The following SAMSN1 variants were observed in gnomAD, a reference collection of about 807,000 sequenced individuals.
The protein encoded by SAMSN1 is SAM domain-containing protein SAMSN-1.
SAMSN1 carries 31 observed loss-of-function variants against 42.0 expected under a neutral mutation model. The observed-to-expected ratio is 0.74, with a 90% confidence interval of 0.55 to 1.00. SAMSN1 has a LOEUF of 1.00. Ranked by LOEUF, SAMSN1 falls within the 50% of genes least tolerant of loss-of-function variation. The pLI is 0.00. For synonymous variants in SAMSN1, 178 were observed against 151.9 expected, an observed-to-expected ratio of 1.17 and a Z score of -1.26; for missense variants, 464 against 439.4, an observed-to-expected ratio of 1.06 and a Z score of -0.50.
intron 1 of SAMSN1, among the ~76,000 whole-genome samples, chr21:14,533,615 A>G (rs372538673): frequency 2.4e-4 from 36 of 152,348 alleles, no homozygotes; most frequent in African/African-American, 8.4e-4. Flanking sequence ...TTGCAGAAAT[A>G]TACAACTTCA....
At chr21:14,585,158 A>T (rs1981880453), upstream of SAMSN1, among the ~76,000 whole-genome samples, 1 of 152,174 alleles carries the variant, frequency 6.6e-6, no homozygotes, top group South Asian at 2.1e-4. Flanking sequence ...TCTGCTCAAC[A>T]CAATTTCTAT....
At chr21:14,642,277 A>G (rs796798529) in intron 2 of SAMSN1, among the ~76,000 whole-genome samples, 10 of 152,348 alleles carry the variant, frequency 6.6e-5, no homozygotes, top group African/African-American at 2.2e-4. Flanking sequence ...AGGGACAGGT[A>G]CAATTTTGTA....
At chr21:14,647,555 A>G (rs1488981352) in intron 1 of SAMSN1, among the ~76,000 whole-genome samples, 2 of 147,162 alleles carry the variant, frequency 1.4e-5, no homozygotes, top group African/African-American at 5.0e-5. Context: ...GGATGGCATT[A>G]AATCTGTAAA....
In SAMSN1 at chr21:14,521,224, A is replaced by T. The variant is rs150644782; in HGVS notation, c.58-3T>A. On this transcript the variant is annotated splice_polypyrimidine_tract_variant and splice_region_variant and intron_variant, in intron 1 of 7. Coordinates refer to ENST00000400566, the MANE Select transcript of SAMSN1 (RefSeq NM_022136.5). ...AAATTCCCAAAACTGCTGCTTCGCT[A>T]TAAAATAGAAAAGAAAAAGCAAAGG... is the stretch of plus-strand genomic sequence containing the variant. The T allele has an allele frequency of 3.1e-4, 498 of 1,605,600 alleles. 1 individual carries two copies. The African/African-American group carries it at 6.2e-3, about 20-fold the overall frequency.
chr21:14,631,384 C>T (rs1233798896), intron 2 of SAMSN1, among the ~76,000 whole-genome samples: 1 of 152,170 alleles, frequency 6.6e-6, no homozygotes, highest in African/African-American at 2.4e-5. Context: ...GTTTAAAGAA[C>T]TTGTCCAAGG....
chr21:14,571,639 G>A (rs985272746), intron 2 of SAMSN1, among the ~76,000 whole-genome samples: 18 of 152,130 alleles, frequency 1.2e-4, no homozygotes, highest in Admixed American at 4.6e-4. Flanking sequence ...ATCATGAAAT[G>A]CATATGTGAT....
chr21:14,629,778 A>G (rs1453050353), intron 2 of SAMSN1, among the ~76,000 whole-genome samples: 1 of 152,188 alleles, frequency 6.6e-6, no homozygotes, highest in Non-Finnish European at 1.5e-5. Flanking sequence ...CTAAAGCAAC[A>G]AACTCTTCTC....
At chr21:14,616,140 C>A (rs896111889) in intron 2 of SAMSN1, 21 of 348,182 alleles carry the variant, frequency 6.0e-5, no homozygotes, top group Non-Finnish European at 1.0e-4. Context: ...TTCCTTTTGT[C>A]TTTTCCCTAG....
upstream of SAMSN1, among the ~76,000 whole-genome samples, chr21:14,588,146 T>C (rs1300409308): frequency 2.9e-5 from 4 of 136,368 alleles, no homozygotes; most frequent in African/African-American, 8.3e-5. Context: ...CAGTCTATCA[T>C]TGTTGGACAT....
chr21:14,657,330 A>T (rs1295531353), intron 1 of SAMSN1, among the ~76,000 whole-genome samples: 1 of 151,798 alleles, frequency 6.6e-6, no homozygotes, highest in African/African-American at 2.4e-5. Context: ...CTTCTTAAGG[A>T]CAACTTTAAC....
At chr21:14,539,306 G>A (rs1979844640) in intron 1 of SAMSN1, among the ~76,000 whole-genome samples, 1 of 152,164 alleles carries the variant, frequency 6.6e-6, no homozygotes, top group Admixed American at 6.5e-5. Flanking sequence ...AATCAGGCAG[G>A]AGAAAGAAAT....
intron 2 of SAMSN1, among the ~76,000 whole-genome samples, chr21:14,564,103 A>G (rs538262340): frequency 6.6e-6 from 1 of 152,306 alleles, no homozygotes; most frequent in African/African-American, 2.4e-5. Flanking sequence ...ATTTGCTTAC[A>G]CTATCTGGAT....
chr21:14,512,458 C>T lies in SAMSN1; in HGVS notation c.395G>A (p.Gly132Glu). 6.2e-7 allele frequency: 1 copy of T among 1,613,986 alleles called. No homozygotes were observed. The highest frequency in any genetic ancestry group is 2.2e-5 in the East Asian group (1 of 44,872). The change falls in exon 4 of 8, where the codon GGA becomes GAA. Residue 132 changes from glycine to glutamate, a missense_variant. Physicochemically the swap from Gly to Glu is moderately conservative, Grantham distance 98. Transcript: ENST00000400566. Reference protein sequence around the residue: ...ASDSMDSLYSGQSSSSGITSC... With the variant: ...ASDSMDSLYSEQSSSSGITSC... The stretch of plus-strand genomic sequence containing the variant: ...ATTAGCCTTACTTGATGAGCTCTGT[C>T]CACTGTAGAGACTATCCATGGAGTC...
chr21:14,545,873 G>A (rs547144584), intron 1 of SAMSN1, among the ~76,000 whole-genome samples: 34 of 152,226 alleles, frequency 2.2e-4, no homozygotes, highest in African/African-American at 7.9e-4. Flanking sequence ...CAATCTCATA[G>A]TCATTAAAAA....
Position 14,512,574 on chromosome 21 carries a change from C to A in SAMSN1, c.280-1G>T. On this transcript the variant is annotated splice_acceptor_variant, in intron 3 of 7. Coordinates refer to ENST00000400566, the MANE Select transcript of SAMSN1 (RefSeq NM_022136.5). LOFTEE classifies it high-confidence loss of function. ...GGGCATTCTCTCCATCTTCCTCATC[C>A]TTCAGAAAACATATCAGAGGTTAGG... 6.2e-7 allele frequency: 1 copy of A among 1,613,728 alleles called. No homozygotes were observed. The highest frequency in any genetic ancestry group is 1.1e-5 in the South Asian group (1 of 91,062).
At chr21:14,511,620 A>C (rs1987691478) in intron 4 of SAMSN1, among the ~76,000 whole-genome samples, 2 of 152,246 alleles carry the variant, frequency 1.3e-5, no homozygotes, top group South Asian at 2.1e-4. Context: ...ATTTAAAAGG[A>C]AATGGGAAAC....
chr21:14,498,727 G>T, intron 6 of SAMSN1, 135 bp from the exon 7 acceptor site: 1 of 602,428 alleles, frequency 1.7e-6, no homozygotes, highest in Non-Finnish European at 2.7e-6. Flanking sequence ...AACTTCACTT[G>T]TATTCGTTTC....
intron 1 of SAMSN1, among the ~76,000 whole-genome samples, chr21:14,538,804 G>C (rs1207940389): frequency 1.3e-5 from 2 of 152,102 alleles, no homozygotes; most frequent in Admixed American, 6.5e-5. Flanking sequence ...ATTAGCATCT[G>C]TGACACTAAT....
chr21:14,512,602 C>A (rs766060139), intron 3 of SAMSN1, 29 bp from the exon 4 acceptor site: 2 of 1,610,932 alleles, frequency 1.2e-6, no homozygotes, highest in Admixed American at 1.7e-5. Context: ...AGGTTAGGTA[C>A]AGAGAGAAGA....
Sources: allele counts gnomAD v4.1 joint callset (sites outside exome capture counted in the v4.1 genomes callset), GRCh38; gene constraint gnomAD v4.1.1; transcripts MANE v1.5; gene names NCBI Gene and HGNC (gene_info 2026-07-23, HGNC 2026-07-21).